Variants in CDC42BPA observed in about 807,000 individuals in gnomAD.
CDC42BPA encodes the protein CDC42 binding protein kinase alpha, also known as serine/threonine-protein kinase MRCK alpha.
A neutral mutation model predicts 223.5 loss-of-function variants in CDC42BPA; 80 were observed. The ratio of observed to expected loss-of-function variants is 0.36; its 90% CI spans 0.30 to 0.43. The LOEUF is 0.43. Ranked by LOEUF, CDC42BPA falls within the 20% of genes least tolerant of loss-of-function variation. CDC42BPA has a pLI of 1.00. For missense variants in CDC42BPA, 1,743 were observed against 2,099.9 expected, an observed-to-expected ratio of 0.83 and a Z score of 3.32; for synonymous variants, 694 against 718.6, an observed-to-expected ratio of 0.97 and a Z score of 0.55.
At chr1:227,207,503 T>C (rs1241997722) in intron 3 of CDC42BPA, among the ~76,000 whole-genome samples, 3 of 133,878 alleles carry the variant, frequency 2.2e-5, no homozygotes, top group African/African-American at 8.4e-5. Flanking sequence ...CTCCCAATGC[T>C]ATCCCTCCCC....
At chr1:227,117,614 C>T (rs1194128882) in intron 12 of CDC42BPA, among the ~76,000 whole-genome samples, 1 of 152,144 alleles carries the variant, frequency 6.6e-6, no homozygotes, top group Non-Finnish European at 1.5e-5. Context: ...CCATGCCCAG[C>T]TGATTAAATG....
intron 34 of CDC42BPA, 42 bp downstream of exon 34, chr1:227,016,038 C>T (rs770228424): frequency 3.9e-6 from 4 of 1,022,038 alleles, no homozygotes; most frequent in South Asian, 2.6e-5. Flanking sequence ...TATACTCCCC[C>T]CACACCCGCC....
chr1:227,315,790 T>C (rs1694272301), intron 1 of CDC42BPA, among the ~76,000 whole-genome samples: 1 of 152,164 alleles, frequency 6.6e-6, no homozygotes, highest in South Asian at 2.1e-4. Flanking sequence ...GCAGTCTGTT[T>C]TGAAAAGTTA....
At chr1:227,283,218 T>C (rs945533328) in intron 1 of CDC42BPA, among the ~76,000 whole-genome samples, 8 of 152,180 alleles carry the variant, frequency 5.3e-5, no homozygotes, top group African/African-American at 1.9e-4. Flanking sequence ...TATAGTCTCA[T>C]TTGTACTTTT....
chr1:227,063,830 C>A (rs1676436277), intron 21 of CDC42BPA, among the ~76,000 whole-genome samples: 2 of 152,108 alleles, frequency 1.3e-5, no homozygotes, highest in Non-Finnish European at 2.9e-5. Context: ...TGCTGCCAAG[C>A]CTCAGATTTC....
intron 1 of CDC42BPA, among the ~76,000 whole-genome samples, chr1:227,306,464 A>G (rs936284816): frequency 1.3e-5 from 2 of 152,234 alleles, no homozygotes; most frequent in Admixed American, 6.5e-5. Flanking sequence ...CTCAAGCAAC[A>G]TAACACAGCA....
intron 21 of CDC42BPA, among the ~76,000 whole-genome samples, chr1:227,066,698 T>C (rs4653785): frequency 0.069 from 10,510 of 152,032 alleles, 549 homozygotes; most frequent in East Asian, 0.25. Flanking sequence ...GAAACTGAAC[T>C]GATGGATGAG....
intron 5 of CDC42BPA, among the ~76,000 whole-genome samples, chr1:227,192,491 C>T (rs1356884667): frequency 6.6e-6 from 1 of 152,198 alleles, no homozygotes; most frequent in Non-Finnish European, 1.5e-5. Context: ...GAAAATCACT[C>T]TTAGAAAATG....
chr1:227,042,313 T>TATATATATATATCA (rs1368043049), intron 23 of CDC42BPA, among the ~76,000 whole-genome samples: 1 of 144,466 alleles, frequency 6.9e-6, no homozygotes, highest in African/African-American at 2.5e-5. Flanking sequence ...TATATATATA[T>TATATATATATATCA]ATCATACACT....
intron 1 of CDC42BPA, among the ~76,000 whole-genome samples, chr1:227,304,744 TAA>T (rs1272036072): frequency 6.6e-6 from 1 of 152,182 alleles, no homozygotes; most frequent in Non-Finnish European, 1.5e-5. Flanking sequence ...GTTTAATTAG[TAA>T]AAGAGTCAAA....
At chr1:227,048,369 G>A (rs16846877) in intron 22 of CDC42BPA, among the ~76,000 whole-genome samples, 23,449 of 151,730 alleles carry the variant, frequency 0.15, 2,190 homozygotes, top group African/African-American at 0.25. Context: ...ATTCTAAAAA[G>A]TATCTCAAAA....
At chr1:227,198,299 A>C (rs368770352) in intron 4 of CDC42BPA, among the ~76,000 whole-genome samples, 6 of 152,034 alleles carry the variant, frequency 3.9e-5, no homozygotes, top group South Asian at 2.1e-4. Flanking sequence ...ACAACAACAA[A>C]AAAATTAAGT....
At chr1:227,163,167 T>C (rs1664412737) in intron 5 of CDC42BPA, among the ~76,000 whole-genome samples, 2 of 148,978 alleles carry the variant, frequency 1.3e-5, no homozygotes, top group African/African-American at 5.1e-5. Flanking sequence ...TATGTGTGTA[T>C]ATGTTTCCAA....
Position 227,077,685 on chromosome 1 carries a change from T to A in CDC42BPA, c.2480+3208A>T, listed in dbSNP as rs1679784583. On this transcript the variant is annotated intron_variant, in intron 17 of 36. Transcript: ENST00000366766. ...AAAGCATGAGAAATCTCTACTAAGA[T>A]GTCTCAGGATCACCTCAGTCTTACC... 2.0e-5 allele frequency among the ~76,000 whole-genome samples: 3 copies of A among 152,184 alleles called. No homozygotes were observed. In the South Asian group the frequency reaches 6.2e-4, roughly 32 times the overall value.
At position 227,057,397 on chromosome 1, in the gene CDC42BPA, TTTC is replaced by T. The variant is rs1674810393; in HGVS notation, c.2905-5415_2905-5413del. The stretch of plus-strand genomic sequence containing the variant: ...TTAAATTTATTAAAATACTGCATAT[TTTC>T]TTGTCTAAAAACATGGTATATAACA... On this transcript the variant is annotated intron_variant, in intron 21 of 36. Transcript: ENST00000366766. 5.3e-5 allele frequency among the ~76,000 whole-genome samples: 8 copies of T among 152,296 alleles called. No homozygotes were observed. In the South Asian group the frequency reaches 1.7e-3, roughly 32 times the overall value.
rs34719872 is a variant in CDC42BPA, at chr1:226,999,179, CTTTT to C, written c.4976-4203_4976-4200del. ...GAGAGGATGTGGAGAAATAGGAACA[CTTTT>C]TTTTTTTTTTTGAGACACAGCCTTG... On this transcript the variant is annotated intron_variant, in intron 35 of 36. Coordinates refer to ENST00000366766, the MANE Select transcript of CDC42BPA (RefSeq NM_001394014.1). 4.9e-3 allele frequency among the ~76,000 whole-genome samples: 712 copies of C among 144,044 alleles called. 2 individuals carry two copies. The highest frequency in any genetic ancestry group is 7.3e-3 in the Non-Finnish European group (478 of 65,852). The allele number at this position is 144,044 out of a possible 152,430, so 94.5% of individuals were successfully genotyped here. A position where few individuals can be genotyped will look rare whatever the true frequency, so the allele number is the denominator to read the frequency against.
At chr1:227,136,094 A>G (rs1359787244) in intron 10 of CDC42BPA, among the ~76,000 whole-genome samples, 1 of 152,152 alleles carries the variant, frequency 6.6e-6, no homozygotes, top group Non-Finnish European at 1.5e-5. Context: ...CAGAAGATTC[A>G]GTTGTTGAAA....
At chr1:227,301,367 T>TA (rs1691593784) in intron 1 of CDC42BPA, among the ~76,000 whole-genome samples, 1 of 151,992 alleles carries the variant, frequency 6.6e-6, no homozygotes, top group African/African-American at 2.4e-5. Flanking sequence ...TAGACATTTT[T>TA]TTTTTTTTTT....
intron 11 of CDC42BPA, among the ~76,000 whole-genome samples, chr1:227,127,669 A>C (rs1313217334): frequency 6.6e-6 from 1 of 152,170 alleles, no homozygotes; most frequent in Non-Finnish European, 1.5e-5. Context: ...TCATGTTCCC[A>C]ATCTACAATA....
Sources: gnomAD v4.1 joint callset for allele counts (sites outside exome capture counted in the v4.1 genomes callset) on GRCh38, gnomAD v4.1.1 for gene constraint, MANE v1.5 for transcripts, NCBI Gene and HGNC (gene_info 2026-07-23, HGNC 2026-07-21) for gene names.